Variants in EML6 observed in about 807,000 individuals in gnomAD.
EML6 encodes echinoderm microtubule-associated protein-like 6.
In EML6, 154 loss-of-function variants were observed where a neutral mutation model predicts 240.1. The observed-to-expected ratio is 0.64, with a 90% CI of 0.56 to 0.73. EML6 has a LOEUF of 0.73. Among genes scored for constraint, EML6 ranks in the 30% least tolerant of loss-of-function variants. The pLI, the probability that EML6 is intolerant of heterozygous loss-of-function variation, is 0.00. For synonymous variants in EML6, 1,148 were observed against 899.0 expected (o/e 1.28, Z -4.95); for missense variants, 2,964 against 2,474.6 (o/e 1.20, Z -4.20).
At chr2:54,743,805 T>C (rs1458320014) in intron 2 of EML6, among the ~76,000 whole-genome samples, 1 of 152,208 alleles carries the variant, frequency 6.6e-6, no homozygotes, top group Non-Finnish European at 1.5e-5. Context: ...AAAACACATA[T>C]GACATTTACA....
chr2:54,836,199 CAG>C (rs1418545800), intron 7 of EML6, among the ~76,000 whole-genome samples: 1 of 152,168 alleles, frequency 6.6e-6, no homozygotes, highest in East Asian at 1.9e-4. Flanking sequence ...GACATGGTGT[CAG>C]AGGGCTGCTG....
At chr2:54,929,096 A>G (rs1674718717) in intron 28 of EML6, among the ~76,000 whole-genome samples, 1 of 152,218 alleles carries the variant, frequency 6.6e-6, no homozygotes, top group South Asian at 2.1e-4. Flanking sequence ...GCTGACCAGC[A>G]AGGTAGGAGG....
Position 54,847,483 on chromosome 2 carries a change from T to C in EML6, c.1050-3T>C. 1 of 1,551,192 alleles carries C rather than the reference T, an allele frequency of 6.4e-7. No individual in the cohort carries two copies. The highest frequency in any genetic ancestry group is 8.7e-7 in the Non-Finnish European group (1 of 1,146,980). On this transcript the variant is annotated splice_region_variant and splice_polypyrimidine_tract_variant and intron_variant, in intron 8 of 41. Transcript: ENST00000356458. ...TTTGTTTTGACTTCGTTCTTGTGCC[T>C]AGGCTGTGGAGCCTGGCTGATCATG... is the stretch of plus-strand genomic sequence containing the variant.
At chr2:54,760,462 A>G (rs1250065196) in intron 2 of EML6, among the ~76,000 whole-genome samples, 1 of 152,146 alleles carries the variant, frequency 6.6e-6, no homozygotes, top group Non-Finnish European at 1.5e-5. Context: ...ATCCTTGCAC[A>G]CATGGGAGAG....
intron 2 of EML6, among the ~76,000 whole-genome samples, chr2:54,796,418 G>C (rs1242776124): frequency 6.6e-6 from 1 of 152,010 alleles, no homozygotes; most frequent in African/African-American, 2.4e-5. Context: ...ACTTCAGGTG[G>C]AATCACATTT....
In EML6 at chr2:54,822,827, A is replaced by G. The variant is rs192782331; in HGVS notation, c.525+2365A>G. Among the ~76,000 whole-genome samples the G allele has an allele frequency of 1.3e-3, 191 of 152,318 alleles. 3 individuals carry two copies. Among genetic ancestry groups the G allele is most frequent in the Admixed American group, 0.011 (163 of 15,304 alleles). ...TTATTTTACAACAATATATATTCCAAAATAAGAAAAAATTTAAAAATGGAG... is the reference window on the plus strand; with the variant it reads ...TTATTTTACAACAATATATATTCCAGAATAAGAAAAAATTTAAAAATGGAG... On this transcript the variant is annotated intron_variant, in intron 5 of 41. Transcript: ENST00000356458.
chr2:54,961,724 C>G (rs1478954888), intron 35 of EML6, among the ~76,000 whole-genome samples: 1 of 151,864 alleles, frequency 6.6e-6, no homozygotes, highest in African/African-American at 2.4e-5. Context: ...AAACACTGGC[C>G]AGGCATGGTG....
At chr2:54,884,340 C>G (rs1672006703) in intron 17 of EML6, among the ~76,000 whole-genome samples, 1 of 152,194 alleles carries the variant, frequency 6.6e-6, no homozygotes, top group Non-Finnish European at 1.5e-5. Flanking sequence ...GTGTTCAGCT[C>G]TCTAGAAGTT....
At chr2:54,786,063 T>C (rs79259903) in intron 2 of EML6, among the ~76,000 whole-genome samples, 10,377 of 151,830 alleles carry the variant, frequency 0.068, 527 homozygotes, top group East Asian at 0.3. Context: ...ACCCAGGGTG[T>C]TGGGGTAAAG....
At chr2:54,912,162 A>G (rs978876262) in intron 25 of EML6, among the ~76,000 whole-genome samples, 3 of 152,220 alleles carry the variant, frequency 2.0e-5, no homozygotes, top group Admixed American at 6.5e-5. Context: ...TAAAGGAAGT[A>G]TATGTGTAGT....
Position 54,971,028 on chromosome 2 carries a change from A to G in EML6, c.*933A>G, listed in dbSNP as rs1179085139. On this transcript the variant is annotated 3_prime_UTR_variant, in exon 42 of 42. Transcript: ENST00000356458. ...AAAAGGCTCAGGAAGGTCTATGAGA[A>G]TGAGCTGACTTATCTCGTTAAATCT... The G allele has an allele frequency of 2.0e-5, 3 of 152,244 alleles. No individual in the cohort carries two copies. The highest frequency in any genetic ancestry group is 7.2e-5 in the African/African-American group (3 of 41,464). The allele number at this position is 152,244 out of a possible 1,614,324, so 9.4% of individuals were successfully genotyped here.
At position 54,805,735 on chromosome 2, in the gene EML6, G is replaced by A. The variant is rs115975730; in HGVS notation, c.198-7497G>A. Among the ~76,000 whole-genome samples the A allele has an allele frequency of 2.0e-3, 297 of 152,108 alleles. 1 individual carries two copies. Among genetic ancestry groups the A allele is most frequent in the East Asian group, 3.5e-3 (18 of 5,168 alleles). On this transcript the variant is annotated intron_variant, in intron 2 of 41. Coordinates refer to ENST00000356458, the MANE Select transcript of EML6 (RefSeq NM_001039753.4). ...GTTCATGCTTGTTTGTTCTCTAAGA[G>A]ACCATTATCTTTCAGAGGTCACAAA... is the stretch of plus-strand genomic sequence containing the variant.
rs1218271843 is a variant in EML6 at position 54,950,706 on chromosome 2, G to T, written c.4140G>T (p.Leu1380=). 3.2e-6 allele frequency: 5 copies of T among 1,551,646 alleles called. No homozygotes were observed. The South Asian group carries it at 4.8e-5, about 15-fold the overall frequency. Reference sequence around the variant, plus strand: ...GAGGTTTCGACTGTCGAAATAACCTGCATTACCTTAATGATGGCGCTGACA... The same window carrying T: ...GAGGTTTCGACTGTCGAAATAACCTTCATTACCTTAATGATGGCGCTGACA... ...GYRGFDCRNN[L]HYLNDGADII... The change falls in exon 30 of 42, where the codon CTG becomes CTT. Residue 1380 remains leucine, a synonymous_variant. Coordinates refer to ENST00000356458, the MANE Select transcript of EML6 (RefSeq NM_001039753.4).
intron 2 of EML6, among the ~76,000 whole-genome samples, chr2:54,743,130 G>A (rs565186616): frequency 2.0e-5 from 3 of 152,224 alleles, no homozygotes; most frequent in Non-Finnish European, 4.4e-5. Context: ...AGGGTCCCGG[G>A]TGGCTGGAGC....
intron 2 of EML6, among the ~76,000 whole-genome samples, chr2:54,758,584 C>T (rs188572491): frequency 8.7e-4 from 133 of 152,248 alleles, no homozygotes; most frequent in African/African-American, 3.0e-3. Context: ...ATTATACTTC[C>T]TCCAACGTAG....
intron 17 of EML6, among the ~76,000 whole-genome samples, chr2:54,888,519 C>A (rs1014547698): frequency 2.0e-5 from 3 of 152,132 alleles, no homozygotes; most frequent in African/African-American, 7.2e-5. Flanking sequence ...TCCTTTCATC[C>A]CTCCTCCCTC....
At chr2:54,754,924 A>G (rs1684333024) in intron 2 of EML6, among the ~76,000 whole-genome samples, 1 of 152,210 alleles carries the variant, frequency 6.6e-6, no homozygotes, top group Non-Finnish European at 1.5e-5. Context: ...TAAATTTTAA[A>G]TTTTATTAGA....
chr2:54,860,796 A>G (rs114373798), intron 12 of EML6, among the ~76,000 whole-genome samples: 2,946 of 152,274 alleles, frequency 0.019, 88 homozygotes, highest in African/African-American at 0.066. Context: ...AGAAGGTGCT[A>G]TAAGAATGCA....
intron 26 of EML6, among the ~76,000 whole-genome samples, chr2:54,918,622 T>A (rs1253464810): frequency 1.3e-5 from 2 of 152,168 alleles, no homozygotes; most frequent in African/African-American, 4.8e-5. Flanking sequence ...ATTGGAATTA[T>A]AATCATGAGC....
Sources: allele counts gnomAD v4.1 joint callset (sites outside exome capture counted in the v4.1 genomes callset), GRCh38; gene constraint gnomAD v4.1.1; transcripts MANE v1.5; gene names NCBI Gene and HGNC (gene_info 2026-07-23, HGNC 2026-07-21).